LHFPL3: variants seen among roughly 807,000 people sequenced by gnomAD.
LHFPL3 encodes the protein LHFPL tetraspan subfamily member 3 protein.
Under a neutral mutation model 19.3 loss-of-function variants are expected in LHFPL3, and 5 were observed. That is an observed-to-expected ratio of 0.26 (90% confidence interval 0.14 to 0.54). The LOEUF is 0.54. Among genes scored for constraint, LHFPL3 ranks in the 20% least tolerant of loss-of-function variants. The probability of loss-of-function intolerance (pLI) is 0.94; values close to 1 mark genes in which losing one functional copy is unlikely to be tolerated. For synonymous variants in LHFPL3, 133 were observed against 126.2 expected, an observed-to-expected ratio of 1.05 and a Z score of -0.36; for missense variants, 249 against 307.4, an observed-to-expected ratio of 0.81 and a Z score of 1.42.
chr7:104,550,477 T>C (rs1474854807), intron 1 of LHFPL3, among the ~76,000 whole-genome samples: 112 of 152,086 alleles, frequency 7.4e-4, no homozygotes, highest in Non-Finnish European at 2.9e-5. Flanking sequence ...AAGGCAACCA[T>C]TACATCATGA....
chr7:104,389,565 TGAA>T (rs536849779), intron 1 of LHFPL3, among the ~76,000 whole-genome samples: 413 of 152,222 alleles, frequency 2.7e-3, no homozygotes, highest in African/African-American at 8.9e-3. Flanking sequence ...TAAAAAGTTT[TGAA>T]GAAGAAGAAC....
chr7:104,692,693 T>C lies in LHFPL3; in HGVS notation c.446-43982T>C, dbSNP rs530206573. Among the ~76,000 whole-genome samples, 27 of 152,372 alleles carry C rather than the reference T, an allele frequency of 1.8e-4. No homozygotes were observed. The South Asian group carries it at 5.4e-3, about 30-fold the overall frequency. ...CCTGCGGGTACACAGAAGTCAAGAA[T>C]TGAGGTTTGGGGACCTCTACCTAGA... On this transcript the variant is annotated intron_variant, in intron 1 of 2. Transcript: ENST00000424859.
At chr7:104,421,670 C>G (rs1162950967) in intron 1 of LHFPL3, among the ~76,000 whole-genome samples, 2 of 152,092 alleles carry the variant, frequency 1.3e-5, no homozygotes, top group African/African-American at 2.4e-5. Context: ...AGATAGATCT[C>G]CGCAGAAACA....
At chr7:104,493,555 G>A (rs1249868312) in intron 1 of LHFPL3, among the ~76,000 whole-genome samples, 1 of 151,910 alleles carries the variant, frequency 6.6e-6, no homozygotes, top group East Asian at 1.9e-4. Flanking sequence ...CCCCACTTAT[G>A]TCAGCCTCTC....
At chr7:104,492,230 C>T (rs561016678) in intron 1 of LHFPL3, among the ~76,000 whole-genome samples, 81 of 152,012 alleles carry the variant, frequency 5.3e-4, no homozygotes, top group African/African-American at 1.9e-3. Flanking sequence ...TGTGATGTTC[C>T]ACTAAATGAT....
chr7:104,750,710 A>G (rs1562982052), intron 2 of LHFPL3, among the ~76,000 whole-genome samples: 2 of 152,276 alleles, frequency 1.3e-5, no homozygotes, highest in East Asian at 1.9e-4. Flanking sequence ...GCGGGAGACA[A>G]TTGTTGTATT....
intron 2 of LHFPL3, among the ~76,000 whole-genome samples, chr7:104,892,546 A>C (rs1011974855): frequency 3.9e-5 from 6 of 151,954 alleles, no homozygotes; most frequent in African/African-American, 1.5e-4. Flanking sequence ...CCCCGTCTCT[A>C]CTAAAAATAC....
intron 1 of LHFPL3, among the ~76,000 whole-genome samples, chr7:104,356,386 A>G (rs1485846328): frequency 6.6e-6 from 1 of 152,248 alleles, no homozygotes; most frequent in African/African-American, 2.4e-5. Flanking sequence ...CCTGATAGTA[A>G]GGAATAATCA....
At chr7:104,394,921 G>C (rs998485378) in intron 1 of LHFPL3, among the ~76,000 whole-genome samples, 1 of 151,838 alleles carries the variant, frequency 6.6e-6, no homozygotes, top group Non-Finnish European at 1.5e-5. Context: ...GGCTGGTCTC[G>C]AACTCCTGAC....
At chr7:104,469,187 T>C (rs1326368222) in intron 1 of LHFPL3, among the ~76,000 whole-genome samples, 1 of 152,216 alleles carries the variant, frequency 6.6e-6, no homozygotes, top group Non-Finnish European at 1.5e-5. Context: ...CTGCAGATTA[T>C]TATAAAGGCT....
chr7:104,670,864 T>TG (rs1321618875), intron 1 of LHFPL3, among the ~76,000 whole-genome samples: 2 of 147,522 alleles, frequency 1.4e-5, no homozygotes, highest in Non-Finnish European at 3.0e-5. Context: ...GTGTTTTGTT[T>TG]TGTTTTTTTT....
chr7:104,583,355 A>T (rs961111024), intron 1 of LHFPL3, among the ~76,000 whole-genome samples: 10 of 152,202 alleles, frequency 6.6e-5, no homozygotes, highest in Admixed American at 6.6e-4. Context: ...AACCATAAAA[A>T]CCCTAGAAGA....
At chr7:104,343,551 A>T (rs1234005020) in intron 1 of LHFPL3, among the ~76,000 whole-genome samples, 1 of 132,404 alleles carries the variant, frequency 7.6e-6, no homozygotes, top group Non-Finnish European at 1.6e-5. Flanking sequence ...AAAAAAAAAA[A>T]GCCAAGCTTG....
In LHFPL3 at chr7:104,591,057, C is replaced by T. The variant is rs151322507; in HGVS notation, c.446-145618C>T. Reference sequence around the variant, plus strand: ...AATAGAGCACACTGATGGGTCCTGACTCTTTATCCAATTTGCCAGTCTGTG... The same window carrying T: ...AATAGAGCACACTGATGGGTCCTGATTCTTTATCCAATTTGCCAGTCTGTG... On this transcript the variant is annotated intron_variant, in intron 1 of 2. Coordinates refer to ENST00000424859, the MANE Select transcript of LHFPL3 (RefSeq NM_199000.3). 8.7e-3 allele frequency among the ~76,000 whole-genome samples: 1,326 copies of T among 152,268 alleles called. 17 individuals carry two copies. The highest frequency in any genetic ancestry group is 0.03 in the African/African-American group (1,260 of 41,548).
rs371948636 is a variant in LHFPL3, at chr7:104,629,296, G to A, written c.446-107379G>A. Among the ~76,000 whole-genome samples, 232 of 152,184 alleles carry A rather than the reference G, an allele frequency of 1.5e-3. 2 individuals are homozygous for A. The highest frequency in any genetic ancestry group is 5.3e-3 in the African/African-American group (220 of 41,516). On this transcript the variant is annotated intron_variant, in intron 1 of 2. Coordinates refer to ENST00000424859, the MANE Select transcript of LHFPL3 (RefSeq NM_199000.3). ...AGCATGGGGATAAAGATGGACGGGG[G>A]ATCAGCAGCTCATTGCATCTATGCA...
chr7:104,627,261 A>G (rs1791562363), intron 1 of LHFPL3, among the ~76,000 whole-genome samples: 1 of 152,112 alleles, frequency 6.6e-6, no homozygotes, highest in Non-Finnish European at 1.5e-5. Flanking sequence ...CACTTAATAC[A>G]GTGTCCTCCA....
chr7:104,871,808 G>A (rs1791843046), intron 2 of LHFPL3, among the ~76,000 whole-genome samples: 1 of 151,856 alleles, frequency 6.6e-6, no homozygotes. Context: ...ACAGGCATAT[G>A]CCACCATGCC....
intron 1 of LHFPL3, among the ~76,000 whole-genome samples, chr7:104,538,329 G>A (rs1794425353): frequency 6.6e-6 from 1 of 152,176 alleles, no homozygotes; most frequent in African/African-American, 2.4e-5. Flanking sequence ...GACACTTAGG[G>A]ATGAGTGTTG....
intron 1 of LHFPL3, among the ~76,000 whole-genome samples, chr7:104,547,696 A>C (rs772069035): frequency 2.0e-5 from 3 of 152,188 alleles, no homozygotes; most frequent in Non-Finnish European, 4.4e-5. Context: ...TCCAGACAGC[A>C]CATGAGCCCA....
Sources: allele counts gnomAD v4.1 joint callset (sites outside exome capture counted in the v4.1 genomes callset), GRCh38; gene constraint gnomAD v4.1.1; transcripts MANE v1.5; gene names NCBI Gene and HGNC (gene_info 2026-07-23, HGNC 2026-07-21).